CNTN6: variants seen among roughly 807,000 people sequenced by gnomAD.
The protein encoded by CNTN6 is contactin 6, also known as contactin-6.
In CNTN6, 137 loss-of-function variants were observed where a neutral mutation model predicts 122.8. The ratio of observed to expected loss-of-function variants is 1.12; its 90% CI spans 0.97 to 1.29. The LOEUF is 1.29. Ranked by LOEUF, CNTN6 falls within the 50% of genes most tolerant of loss-of-function variation. The probability of loss-of-function intolerance (pLI) is 0.00; values close to 1 mark genes in which losing one functional copy is unlikely to be tolerated. For missense variants in CNTN6, 1,634 were observed against 1,223.4 expected, an observed-to-expected ratio of 1.34 and a Z score of -5.01; for synonymous variants, 570 against 426.0, an observed-to-expected ratio of 1.34 and a Z score of -4.16.
chr3:1,201,099 T>TGTGTGTGTGTGTGTG (rs2093862065), intron 2 of CNTN6, among the ~76,000 whole-genome samples: 107 of 130,088 alleles, frequency 8.2e-4, no homozygotes, highest in African/African-American at 2.9e-3. Context: ...AGCTAACATT[T>TGTGTGTGTGTGTGTG]TGTGTGTGTG....
intron 1 of CNTN6, among the ~76,000 whole-genome samples, chr3:1,140,680 A>G (rs2092588057): frequency 6.6e-6 from 1 of 152,166 alleles, no homozygotes; most frequent in Admixed American, 6.5e-5. Flanking sequence ...TGACTGAGTT[A>G]AGTTCTACAG....
At chr3:1,320,195 C>T (rs1159303398) in intron 7 of CNTN6, among the ~76,000 whole-genome samples, 1 of 151,566 alleles carries the variant, frequency 6.6e-6, no homozygotes, top group Non-Finnish European at 1.5e-5. Flanking sequence ...TTATTTTTTA[C>T]TTAAGGCAAT....
intron 11 of CNTN6, among the ~76,000 whole-genome samples, 170 bp from the exon 12 acceptor site, chr3:1,352,154 A>G (rs143018983): frequency 6.6e-6 from 1 of 151,954 alleles, no homozygotes; most frequent in Admixed American, 6.6e-5. Flanking sequence ...TTACTGTAAT[A>G]TGTAGACTCA....
chr3:1,283,539 T>C (rs1693826349), intron 5 of CNTN6, among the ~76,000 whole-genome samples: 1 of 152,150 alleles, frequency 6.6e-6, no homozygotes, highest in Admixed American at 6.5e-5. Flanking sequence ...TCAATAAACT[T>C]CCATGGACCC....
At position 1,227,887 on chromosome 3, in the gene CNTN6, T is replaced by G. The variant is rs774206552; in HGVS notation, c.252T>G (p.Leu84=). ...ACTACAGGTTGGATGGAGGCAGTCT[T>G]GCAATCAATAGCCCCCACACAGATC... is the stretch of plus-strand genomic sequence containing the variant. The part of the protein sequence containing the change: ...SYHYRLDGGS[L]AINSPHTDQD... The change falls in exon 4 of 23, where the codon CTT becomes CTG. Residue 84 remains leucine (L), a synonymous_variant. Transcript: ENST00000446702. The G allele has an allele frequency of 1.9e-6, 3 of 1,614,092 alleles. No homozygotes were observed.
In CNTN6 at chr3:1,372,445, G is replaced by T; in HGVS notation, c.1639G>T (p.Gly547Ter). The change falls in exon 13 of 23, where the codon GGA becomes TGA. Residue 547 changes from glycine (G) to a stop codon, truncating the protein, a stop_gained. Coordinates refer to ENST00000446702, the MANE Select transcript of CNTN6 (RefSeq NM_001289080.2). LOFTEE classifies it high-confidence loss of function. Reference sequence around the variant, plus strand: ...TGGAGATGTCATAGACTTAAAAAAAGGAGTGGCTCATTTTGAAAGGATTGG... The same window carrying T: ...TGGAGATGTCATAGACTTAAAAAAATGAGTGGCTCATTTTGAAAGGATTGG... ...FNGDVIDLKKGVAHFERIGGE... is the reference protein window; with the variant it reads ...FNGDVIDLKK 2.5e-6 allele frequency: 4 copies of T among 1,611,338 alleles called. No homozygotes were observed. Among genetic ancestry groups the T allele is most frequent in the Non-Finnish European group, 3.4e-6 (4 of 1,178,984 alleles).
rs1329580948 is a variant in CNTN6, at chr3:1,093,024, A to T, written c.-179A>T. ...TATCTCCCAGCTGCATAGACATTCC[A>T]TACGGCTTGGTTCTGCCTGGACGCA... On this transcript the variant is annotated 5_prime_UTR_variant, in exon 1 of 23. Coordinates refer to ENST00000446702, the MANE Select transcript of CNTN6 (RefSeq NM_001289080.2). 4 of 357,358 alleles carry T rather than the reference A, an allele frequency of 1.1e-5. No homozygotes were observed. Among genetic ancestry groups the T allele is most frequent in the African/African-American group, 8.5e-5 (4 of 46,862 alleles). 22.1% of individuals were successfully genotyped at this position (357,358 alleles called of 1,614,324 possible). A position where few individuals can be genotyped will look rare whatever the true frequency, so the allele number is the denominator to read the frequency against.
chr3:1,258,749 G>C (rs114207400), intron 4 of CNTN6, among the ~76,000 whole-genome samples: 1 of 152,018 alleles, frequency 6.6e-6, no homozygotes, highest in African/African-American at 2.4e-5. Flanking sequence ...TTAGGTTCAG[G>C]TTTTATCTGC....
At chr3:1,324,670 G>C (rs1701289259) in intron 8 of CNTN6, among the ~76,000 whole-genome samples, 1 of 149,550 alleles carries the variant, frequency 6.7e-6, no homozygotes, top group African/African-American at 2.5e-5. Context: ...GGATCGTGTT[G>C]GTGGTCAACT....
intron 20 of CNTN6, among the ~76,000 whole-genome samples, chr3:1,399,187 T>C (rs1472703301): frequency 6.6e-6 from 1 of 152,132 alleles, no homozygotes; most frequent in Non-Finnish European, 1.5e-5. Context: ...ATGGTAATGT[T>C]AGTGCTGAAT....
intron 12 of CNTN6, among the ~76,000 whole-genome samples, chr3:1,363,641 AATTT>A (rs1463239249): frequency 3.3e-5 from 5 of 152,046 alleles, no homozygotes; most frequent in Middle Eastern, 6.8e-3. Context: ...CACATGTCAC[AATTT>A]ATTTATCCAT....
intron 1 of CNTN6, among the ~76,000 whole-genome samples, chr3:1,109,773 A>G (rs1056276094): frequency 6.6e-6 from 1 of 152,108 alleles, no homozygotes; most frequent in Non-Finnish European, 1.5e-5. Context: ...ACATACTTCT[A>G]TTTATATACA....
intron 11 of CNTN6, among the ~76,000 whole-genome samples, chr3:1,334,470 A>C (rs1702767123): frequency 6.6e-6 from 1 of 151,948 alleles, no homozygotes. Flanking sequence ...CACTATATTC[A>C]TGCAGTGTCT....
At chr3:1,168,657 A>G (rs1175953736) in intron 2 of CNTN6, among the ~76,000 whole-genome samples, 2 of 152,064 alleles carry the variant, frequency 1.3e-5, no homozygotes, top group Non-Finnish European at 2.9e-5. Flanking sequence ...TCTGGGATAA[A>G]TATCAGTTAA....
chr3:1,242,881 C>T (rs888173170), intron 4 of CNTN6, among the ~76,000 whole-genome samples: 2 of 152,092 alleles, frequency 1.3e-5, no homozygotes, highest in African/African-American at 2.4e-5. Context: ...GTTTTGAAGC[C>T]TGGCCGTCAA....
chr3:1,372,581 C>T, intron 13 of CNTN6, 107 bp downstream of exon 13: 1 of 976,272 alleles, frequency 1.0e-6, no homozygotes, highest in Non-Finnish European at 1.5e-6. Context: ...TGGATAATCA[C>T]TGACTGTTTT....
chr3:1,112,104 A>G (rs1462277094), intron 1 of CNTN6, among the ~76,000 whole-genome samples: 1 of 152,144 alleles, frequency 6.6e-6, no homozygotes, highest in Non-Finnish European at 1.5e-5. Flanking sequence ...TATTCAGTTT[A>G]TCAGGGAAAT....
At chr3:1,237,849 C>T (rs1008055144) in intron 4 of CNTN6, among the ~76,000 whole-genome samples, 2 of 151,988 alleles carry the variant, frequency 1.3e-5, no homozygotes, top group Admixed American at 6.5e-5. Context: ...CAAATAAATG[C>T]TGGGAGAATT....
At chr3:1,215,411 C>T (rs2094116545) in intron 2 of CNTN6, among the ~76,000 whole-genome samples, 1 of 152,132 alleles carries the variant, frequency 6.6e-6, no homozygotes, top group African/African-American at 2.4e-5. Flanking sequence ...ATGTGACTTT[C>T]AGTGGGTATC....
Sources: gnomAD v4.1 joint callset for allele counts (sites outside exome capture counted in the v4.1 genomes callset) on GRCh38, gnomAD v4.1.1 for gene constraint, MANE v1.5 for transcripts, NCBI Gene and HGNC (gene_info 2026-07-23, HGNC 2026-07-21) for gene names.